The following CDH8 variants were observed in gnomAD, a reference collection of about 807,000 sequenced individuals.
CDH8 encodes cadherin 8.
CDH8 carries 17 observed loss-of-function variants against 68.1 expected under a neutral mutation model. The observed-to-expected ratio is 0.25, with a 90% CI of 0.17 to 0.37. The LOEUF (loss-of-function observed/expected upper bound fraction) is 0.37. Among genes scored for constraint, CDH8 ranks in the 10% least tolerant of loss-of-function variants. The probability of loss-of-function intolerance (pLI) is 1.00; values close to 1 mark genes in which losing one functional copy is unlikely to be tolerated. For missense variants in CDH8, 763 were observed against 999.3 expected (o/e 0.76, Z 3.19); for synonymous variants, 372 against 365.1 (o/e 1.02, Z -0.21).
chr16:61,919,069 C>A (rs185819768), intron 2 of CDH8, among the ~76,000 whole-genome samples: 6,256 of 146,280 alleles, frequency 0.043, 913 homozygotes, highest in African/African-American at 0.15. Flanking sequence ...ACACCTCACA[C>A]GGCAGGGTAT....
At chr16:61,833,301 G>T (rs989653803) in intron 4 of CDH8, among the ~76,000 whole-genome samples, 10 of 151,200 alleles carry the variant, frequency 6.6e-5, no homozygotes, top group African/African-American at 2.2e-4. Flanking sequence ...GATAAATTTT[G>T]TATTTTTTTA....
At chr16:61,888,877 G>A (rs138610752) in intron 3 of CDH8, among the ~76,000 whole-genome samples, 2 of 152,172 alleles carry the variant, frequency 1.3e-5, no homozygotes, top group East Asian at 3.9e-4. Flanking sequence ...AACCACTCTT[G>A]TTACTTGCCA....
intron 1 of CDH8, among the ~76,000 whole-genome samples, chr16:62,034,223 A>C (rs1002373626): frequency 7.9e-5 from 12 of 151,856 alleles, no homozygotes; most frequent in African/African-American, 2.9e-4. Flanking sequence ...ACACACGCAC[A>C]CGAAGAAATC....
chr16:61,725,585 G>A (rs996614341), intron 9 of CDH8: 1 of 150,658 alleles, frequency 6.6e-6, no homozygotes, highest in African/African-American at 2.4e-5. Flanking sequence ...GAAACAACCT[G>A]CCATATTTTG....
intron 3 of CDH8, among the ~76,000 whole-genome samples, chr16:61,889,615 C>A (rs951981244): frequency 2.0e-5 from 3 of 152,132 alleles, no homozygotes; most frequent in Non-Finnish European, 4.4e-5. Flanking sequence ...CCAGCAAATG[C>A]GGACAAAGGC....
At chr16:61,960,467 A>T (rs776078677) in intron 2 of CDH8, among the ~76,000 whole-genome samples, 2 of 151,906 alleles carry the variant, frequency 1.3e-5, no homozygotes, top group Non-Finnish European at 2.9e-5. Context: ...CAGAGAGAGT[A>T]TACATATATT....
At chr16:61,740,387 T>C (rs778984504) in intron 8 of CDH8, among the ~76,000 whole-genome samples, 5 of 152,186 alleles carry the variant, frequency 3.3e-5, no homozygotes, top group Non-Finnish European at 7.3e-5. Context: ...ATTTTTTTTA[T>C]GTGGAGTCAA....
chr16:61,656,722 T>C (rs1057224822), intron 10 of CDH8, among the ~76,000 whole-genome samples: 1 of 152,308 alleles, frequency 6.6e-6, no homozygotes, highest in Admixed American at 6.5e-5. Flanking sequence ...TATATACTGG[T>C]TGTCTGGAGC....
At chr16:61,935,303 T>A (rs142939433) in intron 2 of CDH8, among the ~76,000 whole-genome samples, 4 of 152,334 alleles carry the variant, frequency 2.6e-5, no homozygotes, top group Admixed American at 2.6e-4. Flanking sequence ...GAAGTCATCA[T>A]ATTATTTTAT....
intron 4 of CDH8, among the ~76,000 whole-genome samples, chr16:61,831,023 G>C (rs535601478): frequency 6.6e-6 from 1 of 151,862 alleles, no homozygotes; most frequent in African/African-American, 2.4e-5. Context: ...TTTTTTCCTT[G>C]AAAGTGGGGG....
At chr16:62,001,510 C>A (rs2150596950) in intron 2 of CDH8, among the ~76,000 whole-genome samples, 1 of 152,262 alleles carries the variant, frequency 6.6e-6, no homozygotes, top group East Asian at 1.9e-4. Flanking sequence ...GGTAAATACA[C>A]AAGCTATACA....
intron 1 of CDH8, among the ~76,000 whole-genome samples, chr16:62,029,198 CTT>C (rs1440127228): frequency 1.3e-5 from 2 of 152,154 alleles, no homozygotes; most frequent in African/African-American, 4.8e-5. Context: ...AATTTAAAGT[CTT>C]TGTCAATGTA....
intron 4 of CDH8, among the ~76,000 whole-genome samples, chr16:61,834,404 G>C (rs896826934): frequency 6.6e-6 from 1 of 151,902 alleles, no homozygotes; most frequent in Admixed American, 6.6e-5. Context: ...GAAGGACATA[G>C]CACTACAATT....
chr16:61,798,987 A>C (rs946974753), intron 7 of CDH8, among the ~76,000 whole-genome samples: 4 of 152,182 alleles, frequency 2.6e-5, no homozygotes, highest in African/African-American at 9.7e-5. Flanking sequence ...TTTGAGATTT[A>C]TCTCTTGTGT....
intron 8 of CDH8, among the ~76,000 whole-genome samples, chr16:61,772,555 G>A (rs1188862585): frequency 2.6e-5 from 4 of 152,016 alleles, no homozygotes; most frequent in African/African-American, 7.2e-5. Context: ...AGTAAGCTGC[G>A]ACACTTTTAA....
intron 10 of CDH8, among the ~76,000 whole-genome samples, chr16:61,663,864 A>G (rs1963616806): frequency 6.6e-6 from 1 of 151,112 alleles, no homozygotes; most frequent in African/African-American, 2.4e-5. Flanking sequence ...ATGTATAACT[A>G]TATATATGTG....
intron 8 of CDH8, among the ~76,000 whole-genome samples, chr16:61,750,318 C>T (rs1164046163): frequency 6.6e-6 from 1 of 152,052 alleles, no homozygotes; most frequent in African/African-American, 2.4e-5. Context: ...TAAAGAAGCA[C>T]AGGGTAAGAC....
chr16:62,033,323 A>C (rs1902373022), intron 1 of CDH8, among the ~76,000 whole-genome samples: 1 of 152,212 alleles, frequency 6.6e-6, no homozygotes, highest in Admixed American at 6.5e-5. Context: ...TTCCAGTGTA[A>C]GGAATTCCTT....
intron 2 of CDH8, among the ~76,000 whole-genome samples, chr16:61,926,110 T>G (rs181938192): frequency 1.3e-5 from 2 of 150,874 alleles, no homozygotes; most frequent in African/African-American, 4.9e-5. Flanking sequence ...CACAAACTAA[T>G]AAGAAGCAGA....
Sources: allele counts gnomAD v4.1 joint callset (sites outside exome capture counted in the v4.1 genomes callset), GRCh38; gene constraint gnomAD v4.1.1; transcripts MANE v1.5; gene names NCBI Gene and HGNC (gene_info 2026-07-23, HGNC 2026-07-21).